BRINP3: variants seen among roughly 807,000 people sequenced by gnomAD.
BRINP3 encodes BMP/retinoic acid-inducible neural-specific protein 3.
A neutral mutation model predicts 71.0 loss-of-function variants in BRINP3; 19 were observed. The ratio of observed to expected loss-of-function variants is 0.27; its 90% CI spans 0.19 to 0.39. BRINP3 has a LOEUF of 0.39. Among genes scored for constraint, BRINP3 ranks in the 10% least tolerant of loss-of-function variants. BRINP3 has a pLI of 1.00. For synonymous variants in BRINP3, 380 were observed against 337.7 expected, an observed-to-expected ratio of 1.13 and a Z score of -1.37; for missense variants, 959 against 940.8, an observed-to-expected ratio of 1.02 and a Z score of -0.25.
At chr1:190,254,411 A>C (rs978669180) in intron 4 of BRINP3, among the ~76,000 whole-genome samples, 1 of 151,918 alleles carries the variant, frequency 6.6e-6, no homozygotes, top group South Asian at 2.1e-4. Flanking sequence ...ATGAGCATGG[A>C]ATGTTCTTCC....
At chr1:190,306,299 T>C (rs1467532822) in intron 2 of BRINP3, among the ~76,000 whole-genome samples, 2 of 151,582 alleles carry the variant, frequency 1.3e-5, no homozygotes, top group East Asian at 3.9e-4. Context: ...CTAAAGGAAA[T>C]GAAAGAAGTT....
chr1:190,323,793 G>A (rs2103058489), intron 2 of BRINP3, among the ~76,000 whole-genome samples: 1 of 151,850 alleles, frequency 6.6e-6, no homozygotes, highest in South Asian at 2.1e-4. Context: ...CAAAGATATT[G>A]TAAGAGAAAA....
chr1:190,393,286 T>G (rs983144239), intron 2 of BRINP3, among the ~76,000 whole-genome samples: 2 of 151,634 alleles, frequency 1.3e-5, no homozygotes, highest in Non-Finnish European at 3.0e-5. Context: ...TTAAAAATTT[T>G]CTTAAGATCG....
At chr1:190,466,102 C>T (rs1676727848) in intron 1 of BRINP3, among the ~76,000 whole-genome samples, 1 of 149,972 alleles carries the variant, frequency 6.7e-6, no homozygotes. Flanking sequence ...ATTGCCCCTG[C>T]ACTTTTGGAT....
intron 2 of BRINP3, among the ~76,000 whole-genome samples, chr1:190,386,671 T>C (rs1273314987): frequency 1.3e-5 from 2 of 151,946 alleles, no homozygotes; most frequent in African/African-American, 4.8e-5. Context: ...ATCAACTTCA[T>C]CTTTTGAGCT....
intron 2 of BRINP3, among the ~76,000 whole-genome samples, chr1:190,298,357 T>C (rs1176333385): frequency 3.3e-5 from 5 of 152,132 alleles, no homozygotes; most frequent in Non-Finnish European, 5.9e-5. Context: ...CTATTATCTT[T>C]ATGTTTTCTT....
chr1:190,404,569 C>T (rs1672138270), intron 2 of BRINP3, among the ~76,000 whole-genome samples: 1 of 152,088 alleles, frequency 6.6e-6, no homozygotes, highest in African/African-American at 2.4e-5. Context: ...AAAACATGAT[C>T]TTAAGTAAAA....
intron 2 of BRINP3, among the ~76,000 whole-genome samples, chr1:190,430,318 G>C (rs1674010789): frequency 6.6e-6 from 1 of 152,158 alleles, no homozygotes; most frequent in Non-Finnish European, 1.5e-5. Flanking sequence ...CCATGACATA[G>C]AGCTAATTGC....
chr1:190,160,563 A>T, intron 7 of BRINP3, 105 bp downstream of exon 7: 1 of 851,536 alleles, frequency 1.2e-6, no homozygotes, highest in South Asian at 1.8e-5. Flanking sequence ...AATAGTATAA[A>T]TTAGATCATG....
At chr1:190,340,115 T>C (rs1342657222) in intron 2 of BRINP3, among the ~76,000 whole-genome samples, 1 of 151,854 alleles carries the variant, frequency 6.6e-6, no homozygotes, top group African/African-American at 2.4e-5. Flanking sequence ...CTATACAATG[T>C]GGGGAAATCA....
At chr1:190,382,997 T>A (rs922500570) in intron 2 of BRINP3, among the ~76,000 whole-genome samples, 4 of 152,160 alleles carry the variant, frequency 2.6e-5, no homozygotes, top group Non-Finnish European at 5.9e-5. Context: ...TCAGAATAGA[T>A]ACAGTATTGA....
At chr1:190,169,781 T>C (rs1291033727) in intron 6 of BRINP3, among the ~76,000 whole-genome samples, 3 of 152,194 alleles carry the variant, frequency 2.0e-5, no homozygotes, top group Non-Finnish European at 2.9e-5. Flanking sequence ...AAAATGTCTT[T>C]TATATAATTA....
At chr1:190,341,526 T>G (rs1199899452) in intron 2 of BRINP3, among the ~76,000 whole-genome samples, 1 of 151,820 alleles carries the variant, frequency 6.6e-6, no homozygotes. Context: ...TAAGCACATA[T>G]AGCATAATAC....
chr1:190,414,532 T>C (rs1360587972), intron 2 of BRINP3, among the ~76,000 whole-genome samples: 1 of 152,206 alleles, frequency 6.6e-6, no homozygotes, highest in Non-Finnish European at 1.5e-5. Context: ...TCTGCCATTC[T>C]TGTTTCATGG....
At chr1:190,382,191 A>G (rs1223185319) in intron 2 of BRINP3, among the ~76,000 whole-genome samples, 1 of 150,832 alleles carries the variant, frequency 6.6e-6, no homozygotes, top group Non-Finnish European at 1.5e-5. Flanking sequence ...GAAAAAAAAA[A>G]TCTAGATGCA....
chr1:190,135,918 A>T (rs1654935770), intron 7 of BRINP3, among the ~76,000 whole-genome samples: 1 of 152,038 alleles, frequency 6.6e-6, no homozygotes, highest in African/African-American at 2.4e-5. Context: ...CAAATATGTA[A>T]AATAATGCAC....
intron 6 of BRINP3, among the ~76,000 whole-genome samples, chr1:190,194,557 A>T (rs1331793785): frequency 6.6e-6 from 1 of 152,082 alleles, no homozygotes; most frequent in Non-Finnish European, 1.5e-5. Flanking sequence ...TATGTTGAAA[A>T]CTACACTTTG....
Position 190,102,311 on chromosome 1 carries a change from A to T in BRINP3, c.1185-3177T>A, listed in dbSNP as rs549144558. 1.4e-4 allele frequency among the ~76,000 whole-genome samples: 21 copies of T among 152,240 alleles called. No homozygotes were observed. In the South Asian group the frequency reaches 4.4e-3, roughly 32 times the overall value. On this transcript the variant is annotated intron_variant, in intron 7 of 7. Transcript: ENST00000367462. ...GGTAAAATTTAGTTCCCCTTACTTT[A>T]TCTTAAAACTGTAAAAGAATTTTGG...
At chr1:190,366,640 G>A (rs1302264595) in intron 2 of BRINP3, among the ~76,000 whole-genome samples, 2 of 152,246 alleles carry the variant, frequency 1.3e-5, no homozygotes, top group Non-Finnish European at 1.5e-5. Context: ...GACAAGGCAA[G>A]TTCTTTCCAC....
Sources: allele counts gnomAD v4.1 joint callset (sites outside exome capture counted in the v4.1 genomes callset), GRCh38; gene constraint gnomAD v4.1.1; transcripts MANE v1.5; gene names NCBI Gene and HGNC (gene_info 2026-07-23, HGNC 2026-07-21).